Variants in RANBP2 observed in about 807,000 individuals in gnomAD.
RANBP2 encodes E3 SUMO-protein ligase RanBP2.
In RANBP2, 57 loss-of-function variants were observed where a neutral mutation model predicts 303.6. The observed-to-expected ratio is 0.19, with a 90% confidence interval of 0.15 to 0.23. The LOEUF (loss-of-function observed/expected upper bound fraction) is 0.23, where lower values mean the gene tolerates loss of function less well. Among genes scored for constraint, RANBP2 ranks in the 10% least tolerant of loss-of-function variants. The probability of loss-of-function intolerance (pLI) is 1.00; values close to 1 mark genes in which losing one functional copy is unlikely to be tolerated. For missense variants in RANBP2, 3,138 were observed against 3,780.8 expected, an observed-to-expected ratio of 0.83 and a Z score of 4.46; for synonymous variants, 1,167 against 1,301.5, an observed-to-expected ratio of 0.90 and a Z score of 2.23.
the RANBP2 span, among the ~76,000 whole-genome samples, chr2:109,519,596 T>C: frequency 6.6e-6 from 1 of 152,166 alleles, no homozygotes; most frequent in African/African-American, 2.4e-5. Context: ...CCAGGGTCAG[T>C]TGTGACTTGA....
chr2:109,202,281 G>A, the RANBP2 span, among the ~76,000 whole-genome samples: 3 of 152,128 alleles, frequency 2.0e-5, no homozygotes, highest in East Asian at 3.9e-4. Context: ...GGTCCATCTC[G>A]GCAGCGTCTG....
chr2:109,362,450 T>C, the RANBP2 span, among the ~76,000 whole-genome samples: 1 of 152,180 alleles, frequency 6.6e-6, no homozygotes, highest in Non-Finnish European at 1.5e-5. Context: ...TTTTATTTGT[T>C]TAAATTTGTT....
the RANBP2 span, among the ~76,000 whole-genome samples, chr2:108,799,624 T>C: frequency 2.6e-5 from 4 of 152,248 alleles, no homozygotes; most frequent in Non-Finnish European, 4.4e-5. Context: ...TCTTTCAGTT[T>C]GTTCTGTTTG....
At chr2:109,087,008 G>A in the RANBP2 span, among the ~76,000 whole-genome samples, 1 of 152,194 alleles carries the variant, frequency 6.6e-6, no homozygotes, top group Non-Finnish European at 1.5e-5. Context: ...TGGTTGAAGG[G>A]TTGTTAAGAA....
chr2:109,425,208 G>A, the RANBP2 span, among the ~76,000 whole-genome samples: 2 of 152,338 alleles, frequency 1.3e-5, no homozygotes, highest in East Asian at 3.9e-4. Context: ...GAAGCTAAAG[G>A]AGGAAAGTTT....
At chr2:108,911,075 G>C in the RANBP2 span, 1 of 1,614,160 alleles carries the variant, frequency 6.2e-7, no homozygotes, top group Non-Finnish European at 8.5e-7. Flanking sequence ...TGAGAGTTCT[G>C]TGGGTGGAGA....
chr2:109,263,139 C>A, the RANBP2 span, among the ~76,000 whole-genome samples: 1 of 152,208 alleles, frequency 6.6e-6, no homozygotes. Flanking sequence ...AGCCACCACG[C>A]CCAGCCGCAA....
At chr2:108,782,446 T>A in intron 27 of RANBP2, 45 bp downstream of exon 27, 1 of 1,613,822 alleles carries the variant, frequency 6.2e-7, no homozygotes. Flanking sequence ...TTTGGACTTT[T>A]CTAAAATCTA....
the RANBP2 span, among the ~76,000 whole-genome samples, chr2:109,181,230 A>G: frequency 6.6e-6 from 1 of 152,182 alleles, no homozygotes; most frequent in East Asian, 1.9e-4. Context: ...AAAAGTTGAG[A>G]AAACAGAACA....
the RANBP2 span, among the ~76,000 whole-genome samples, chr2:109,554,774 T>A: frequency 6.6e-6 from 1 of 152,166 alleles, no homozygotes; most frequent in Non-Finnish European, 1.5e-5. Context: ...GTACCAATAT[T>A]TTTTTACACA....
At chr2:109,106,312 C>G in the RANBP2 span, among the ~76,000 whole-genome samples, 6 of 152,188 alleles carry the variant, frequency 3.9e-5, no homozygotes, top group Non-Finnish European at 8.8e-5. Context: ...ACTACCAACA[C>G]TACTAGCCAT....
At chr2:108,911,142 G>C in the RANBP2 span, 10 of 1,596,604 alleles carry the variant, frequency 6.3e-6, no homozygotes, top group Middle Eastern at 2.0e-4. Context: ...CCAGGACTCC[G>C]GCCCCTGGAA....
chr2:108,907,204 TTGTG>T, the RANBP2 span, among the ~76,000 whole-genome samples: 12 of 152,038 alleles, frequency 7.9e-5, no homozygotes, highest in Non-Finnish European at 2.9e-5. Context: ...AAGAAAAACG[TTGTG>T]TGTGTGTGTG....
chr2:109,421,637 ACCT>A, the RANBP2 span, among the ~76,000 whole-genome samples: 1 of 152,052 alleles, frequency 6.6e-6, no homozygotes, highest in South Asian at 2.1e-4. Flanking sequence ...CTAGCTCTCC[ACCT>A]TCTCCCTCTG....
intron 17 of RANBP2, among the ~76,000 whole-genome samples, chr2:108,755,833 C>G (rs1005441489): frequency 2.6e-5 from 4 of 151,552 alleles, no homozygotes; most frequent in Middle Eastern, 3.5e-3. Context: ...AAGCGACTCT[C>G]CTGCCTCAGC....
the RANBP2 span, among the ~76,000 whole-genome samples, chr2:109,520,617 A>G: frequency 4.3e-4 from 39 of 90,146 alleles, 1 homozygote; most frequent in Admixed American, 1.5e-3. Context: ...AAAAAAAAAA[A>G]AAAAAAAGAA....
the RANBP2 span, among the ~76,000 whole-genome samples, chr2:109,564,768 G>C: frequency 5.8e-3 from 878 of 152,266 alleles, 11 homozygotes; most frequent in South Asian, 0.057. Flanking sequence ...TTTAAATTTA[G>C]TAGCCAATGA....
At chr2:109,288,106 T>G in the RANBP2 span, among the ~76,000 whole-genome samples, 1 of 152,236 alleles carries the variant, frequency 6.6e-6, no homozygotes, top group African/African-American at 2.4e-5. Flanking sequence ...TTGTCTTGTT[T>G]GCCCACAAGA....
the RANBP2 span, among the ~76,000 whole-genome samples, chr2:108,837,148 T>C: frequency 1.3e-5 from 2 of 152,242 alleles, no homozygotes; most frequent in African/African-American, 4.8e-5. Context: ...TTCATTCTTT[T>C]ACCTTCAGAG....
Sources: allele counts gnomAD v4.1 joint callset (sites outside exome capture counted in the v4.1 genomes callset), GRCh38; gene constraint gnomAD v4.1.1; transcripts MANE v1.5; gene names NCBI Gene and HGNC (gene_info 2026-07-23, HGNC 2026-07-21).